COL5A3: variants seen among roughly 807,000 people sequenced by gnomAD.
COL5A3 encodes the protein collagen alpha-3(V) chain.
COL5A3 carries 172 observed loss-of-function variants against 250.0 expected under a neutral mutation model. The observed-to-expected ratio is 0.69, with a 90% CI of 0.61 to 0.78. COL5A3 has a LOEUF of 0.78. COL5A3 is among the 30% of genes least tolerant of loss of function. The pLI is 0.00. For synonymous variants in COL5A3, 937 were observed against 900.4 expected (o/e 1.04, Z -0.73); for missense variants, 2,340 against 2,334.4 (o/e 1.00, Z -0.05).
intron 8 of COL5A3, among the ~76,000 whole-genome samples, 165 bp downstream of exon 8, chr19:10,001,359 C>G (rs1488345436): frequency 3.9e-5 from 6 of 152,080 alleles, no homozygotes; most frequent in African/African-American, 1.4e-4. Context: ...GTTGGTCAGG[C>G]TAGTCTCAAT....
At chr19:9,988,859 G>GAGAGAGAGAGAAAGAAAGC (rs2087144417) in intron 27 of COL5A3, among the ~76,000 whole-genome samples, 1 of 76,248 alleles carries the variant, frequency 1.3e-5, no homozygotes, top group Non-Finnish European at 2.7e-5. Context: ...AAAAAAAAAA[G>GAGAGAGAGAGAAAGAAAGC]AAAGTAAAGA....
intron 44 of COL5A3, among the ~76,000 whole-genome samples, chr19:9,976,834 C>T (rs1458315329): frequency 1.3e-5 from 2 of 152,142 alleles, no homozygotes; most frequent in Non-Finnish European, 2.9e-5. Context: ...TCCACCAAGA[C>T]CCAGGGACGA....
intron 40 of COL5A3, 71 bp downstream of exon 40, chr19:9,978,820 C>T (rs2086962616): frequency 2.7e-6 from 3 of 1,122,594 alleles, no homozygotes; most frequent in Non-Finnish European, 2.4e-6. Flanking sequence ...TGCTATTCCC[C>T]ATCCCTCCCC....
rs777027146 is a variant in COL5A3, at chr19:9,968,677, T to G, written c.4204A>C (p.Lys1402Gln). The change falls in exon 58 of 67, where the codon AAG (lysine) becomes CAG (glutamine). Residue 1402 changes from lysine to glutamine, a missense_variant and splice_region_variant. Transcript: ENST00000264828. This position sits in a 1 kb window ranked among gnomAD's most constrained non-coding sequence, Gnocchi z 4.1. ...LKGDTGPKGE[K>Q]GHIGLIGLIG... ...GAATAATGGAATGATGTCCTTACCT[T>G]TTCCCCCTTGGGGCCAGTGTCTCCC... 5.6e-6 allele frequency: 9 copies of G among 1,606,994 alleles called. No individual in the cohort carries two copies. The highest frequency in any genetic ancestry group is 7.6e-6 in the Non-Finnish European group (9 of 1,177,346).
At chr19:9,981,154 G>A (rs778838465) in intron 32 of COL5A3, 22 bp from the exon 33 acceptor site, 6 of 1,612,806 alleles carry the variant, frequency 3.7e-6, no homozygotes, top group Non-Finnish European at 5.1e-6. Context: ...TTGTAAGAGA[G>A]AAAGCAGAAG....
At chr19:9,995,704 G>T in intron 15 of COL5A3, 87 bp from the exon 16 acceptor site, 2 of 1,060,290 alleles carry the variant, frequency 1.9e-6, no homozygotes, top group Non-Finnish European at 2.7e-6. Flanking sequence ...TAGAGATGGG[G>T]TCTTGCTGTA....
intron 32 of COL5A3, among the ~76,000 whole-genome samples, chr19:9,981,500 A>G (rs1035735256): frequency 2.0e-5 from 3 of 152,226 alleles, no homozygotes; most frequent in African/African-American, 4.8e-5. Context: ...TCTTGCACAC[A>G]TGTATACCCA....
intron 44 of COL5A3, 94 bp downstream of exon 44, chr19:9,977,135 C>T: frequency 2.4e-6 from 3 of 1,246,678 alleles, no homozygotes; most frequent in Non-Finnish European, 1.2e-6. Flanking sequence ...ACTCCATGGC[C>T]TCTCCTACCC....
intron 6 of COL5A3, among the ~76,000 whole-genome samples, chr19:10,002,839 C>T (rs1249095653): frequency 2.0e-5 from 3 of 152,124 alleles, no homozygotes; most frequent in African/African-American, 7.2e-5. Context: ...AACCAATTAC[C>T]CCATCTGCGA....
At chr19:9,960,988 C>T (rs2086665831) in intron 65 of COL5A3, 98 bp from the exon 66 acceptor site, 1 of 1,403,022 alleles carries the variant, frequency 7.1e-7, no homozygotes, top group South Asian at 1.3e-5. Context: ...AGACAAGCCA[C>T]CCCCCCCATG....
Position 9,960,673 on chromosome 19 carries a change from C to T in COL5A3, c.5069G>A (p.Ser1690Asn), listed in dbSNP as rs1211669398. The change falls in exon 66 of 67, where the codon AGC (serine) becomes AAC (asparagine). Residue 1690 changes from serine (S) to asparagine (N), a missense_variant. Physicochemically the swap from Ser to Asn is conservative, Grantham distance 46. This residue lies in a region of COL5A3 where 1,179 missense variants were observed against 1,162.6 expected (regional missense o/e 1.01). Coordinates refer to ENST00000264828, the MANE Select transcript of COL5A3 (RefSeq NM_015719.4). ...TACCCGGCAGCCATCCTGGGGGACG[C>T]TGACAGTGGCTGCTGTCGTCTGGTT... ...SFNQTTAATV[S>N]VPQDGCRLRK... 1.2e-6 allele frequency: 2 copies of T among 1,613,948 alleles called. No homozygotes were observed. The highest frequency in any genetic ancestry group is 2.2e-5 in the East Asian group (1 of 44,888).
At chr19:9,983,576 GAAAGAAAGAAAGAA>G (rs1568418669) in intron 31 of COL5A3, among the ~76,000 whole-genome samples, 28 of 68,330 alleles carry the variant, frequency 4.1e-4, no homozygotes, top group African/African-American at 1.1e-3. Context: ...AAGAAAGAAA[GAAAGAAAGAAAGAA>G]AGAAAGAAAG....
At chr19:9,974,767 G>T (rs1433082386) in intron 45 of COL5A3, among the ~76,000 whole-genome samples, 1 of 151,978 alleles carries the variant, frequency 6.6e-6, no homozygotes, top group East Asian at 1.9e-4. Flanking sequence ...GTCAGAGTTG[G>T]GGTTAAGGAT....
chr19:9,993,810 TG>T lies in COL5A3; in HGVS notation c.1588-5del. The T allele has an allele frequency of 6.2e-7, 1 of 1,614,068 alleles. No individual in the cohort carries two copies. Among genetic ancestry groups the T allele is most frequent in the Non-Finnish European group, 8.5e-7 (1 of 1,179,936 alleles). On this transcript the variant is annotated splice_region_variant and splice_polypyrimidine_tract_variant and intron_variant, in intron 16 of 66. Coordinates refer to ENST00000264828, the MANE Select transcript of COL5A3 (RefSeq NM_015719.4). Reference sequence around the variant, plus strand: ...CTCCATCTGCTCCAGGGCGGCCCTATGGAGAAAGTAAGCCCAAGAGTCAAGG... The same window carrying T: ...CTCCATCTGCTCCAGGGCGGCCCTATGAGAAAGTAAGCCCAAGAGTCAAGG...
rs930865995 is a variant in COL5A3, at chr19:9,995,901, C to T, written c.1533+165G>A. Reference sequence around the variant, plus strand: ...TCAAGCAATCCTCCCACCTCGGCCTCCCAAAGTTCTGGGATTCCAGATGTG... The same window carrying T: ...TCAAGCAATCCTCCCACCTCGGCCTTCCAAAGTTCTGGGATTCCAGATGTG... On this transcript the variant is annotated intron_variant, in intron 15 of 66. Coordinates refer to ENST00000264828, the MANE Select transcript of COL5A3 (RefSeq NM_015719.4). 4.2e-5 allele frequency: 32 copies of T among 768,092 alleles called. No individual in the cohort carries two copies. The African/African-American group carries it at 5.2e-4, about 13-fold the overall frequency. 47.6% of individuals were successfully genotyped at this position (768,092 alleles called of 1,614,324 possible). A position where few individuals can be genotyped will look rare whatever the true frequency, so the allele number is the denominator to read the frequency against.
Position 9,993,810 on chromosome 19 carries a change from T to C in COL5A3, c.1588-4A>G, listed in dbSNP as rs372921932. 1 of 1,614,068 alleles carries C rather than the reference T, an allele frequency of 6.2e-7. No homozygotes were observed. Among genetic ancestry groups the C allele is most frequent in the Non-Finnish European group, 8.5e-7 (1 of 1,179,936 alleles). On this transcript the variant is annotated splice_polypyrimidine_tract_variant and splice_region_variant and intron_variant, in intron 16 of 66. Transcript: ENST00000264828. ...CTCCATCTGCTCCAGGGCGGCCCTATGGAGAAAGTAAGCCCAAGAGTCAAG... is the reference window on the plus strand; with the variant it reads ...CTCCATCTGCTCCAGGGCGGCCCTACGGAGAAAGTAAGCCCAAGAGTCAAG...
chr19:9,995,471 G>T, intron 16 of COL5A3, 93 bp downstream of exon 16: 3 of 1,135,760 alleles, frequency 2.6e-6, no homozygotes, highest in South Asian at 3.4e-5. Context: ...TCCCACTAAC[G>T]ACACCAGCAG....
chr19:9,999,016 T>G (rs889416290), intron 8 of COL5A3, among the ~76,000 whole-genome samples: 1 of 135,914 alleles, frequency 7.4e-6, no homozygotes, highest in Non-Finnish European at 1.6e-5. Flanking sequence ...TTTTCTTTCT[T>G]TCTTTCTTTC....
At chr19:10,002,459 A>T (rs2087378654) in intron 6 of COL5A3, among the ~76,000 whole-genome samples, 1 of 107,832 alleles carries the variant, frequency 9.3e-6, no homozygotes, top group Non-Finnish European at 1.9e-5. Flanking sequence ...GACCCCCACC[A>T]AGGACCCCCC....
Sources: gnomAD v4.1 joint callset for allele counts (sites outside exome capture counted in the v4.1 genomes callset) on GRCh38, gnomAD v4.1.1 for gene constraint, gnomAD v4.1.1 regional missense constraint, Gnocchi (gnomAD v3.1) non-coding constraint, MANE v1.5 for transcripts, NCBI Gene and HGNC (gene_info 2026-07-23, HGNC 2026-07-21) for gene names.